MAP2K4: variants seen among roughly 807,000 people sequenced by gnomAD.
The protein encoded by MAP2K4 is mitogen-activated protein kinase kinase 4, also known as dual specificity mitogen-activated protein kinase kinase 4.
A neutral mutation model predicts 48.5 loss-of-function variants in MAP2K4; 4 were observed. That is an observed-to-expected ratio of 0.08 (90% confidence interval 0.04 to 0.19). MAP2K4 has a LOEUF of 0.19. Among genes scored for constraint, MAP2K4 ranks in the 10% least tolerant of loss-of-function variants. The pLI, the probability that MAP2K4 is intolerant of heterozygous loss-of-function variation, is 1.00. For synonymous variants in MAP2K4, 166 were observed against 173.1 expected (o/e 0.96, Z 0.32); for missense variants, 258 against 493.3 (o/e 0.52, Z 4.52).
At chr17:12,059,811 T>C (rs936166796) in intron 2 of MAP2K4, among the ~76,000 whole-genome samples, 1 of 152,220 alleles carries the variant, frequency 6.6e-6, no homozygotes, top group Non-Finnish European at 1.5e-5. Flanking sequence ...TAGAACTTTA[T>C]CTTAAAACTT....
intron 1 of MAP2K4, among the ~76,000 whole-genome samples, chr17:12,032,787 T>G (rs1309240623): frequency 6.6e-6 from 1 of 152,206 alleles, no homozygotes; most frequent in Non-Finnish European, 1.5e-5. Context: ...ATTAGGACAC[T>G]AGTCTTCATA....
intron 9 of MAP2K4, among the ~76,000 whole-genome samples, chr17:12,131,348 C>T (rs866804404): frequency 2.6e-5 from 4 of 151,198 alleles, no homozygotes; most frequent in Middle Eastern, 6.8e-3. Flanking sequence ...CGGGTTCAAA[C>T]GATTCTTCTG....
intron 1 of MAP2K4, among the ~76,000 whole-genome samples, chr17:12,038,044 G>A (rs1362867329): frequency 2.0e-5 from 3 of 152,218 alleles, no homozygotes; most frequent in South Asian, 2.1e-4. Context: ...AAAATAATTA[G>A]TGACTTTCCC....
intron 1 of MAP2K4, among the ~76,000 whole-genome samples, chr17:12,024,760 T>C (rs184241937): frequency 1.3e-5 from 2 of 152,326 alleles, no homozygotes; most frequent in African/African-American, 4.8e-5. Flanking sequence ...GGAAAAGTAT[T>C]ATTCTTTAGT....
chr17:12,087,407 A>T (rs1971405387), intron 3 of MAP2K4, among the ~76,000 whole-genome samples: 1 of 152,168 alleles, frequency 6.6e-6, no homozygotes, highest in Non-Finnish European at 1.5e-5. Flanking sequence ...TGATGTGGTT[A>T]GTAAAGAGGA....
At chr17:12,049,579 T>A (rs1021838019) in intron 1 of MAP2K4, among the ~76,000 whole-genome samples, 1 of 152,194 alleles carries the variant, frequency 6.6e-6, no homozygotes, top group Non-Finnish European at 1.5e-5. Context: ...CTGCTGGGCC[T>A]TTTGTTCCAT....
At chr17:12,089,976 G>T (rs543042329) in intron 3 of MAP2K4, among the ~76,000 whole-genome samples, 2 of 152,288 alleles carry the variant, frequency 1.3e-5, no homozygotes, top group East Asian at 3.9e-4. Context: ...CTCAGTTCTT[G>T]ATTCCTTACA....
chr17:12,126,217 A>T (rs908769684), intron 8 of MAP2K4, among the ~76,000 whole-genome samples: 1 of 152,180 alleles, frequency 6.6e-6, no homozygotes, highest in Non-Finnish European at 1.5e-5. Flanking sequence ...TACCTAGGTG[A>T]TAATTCTAAA....
intron 2 of MAP2K4, among the ~76,000 whole-genome samples, chr17:12,071,670 G>A (rs1443513752): frequency 6.6e-6 from 1 of 152,124 alleles, no homozygotes; most frequent in Non-Finnish European, 1.5e-5. Context: ...TTTGAGGAAT[G>A]GCTCATCGCT....
chr17:12,049,835 T>C (rs534074655), intron 1 of MAP2K4, among the ~76,000 whole-genome samples: 6 of 152,326 alleles, frequency 3.9e-5, no homozygotes, highest in African/African-American at 1.4e-4. Context: ...CAGATGGGTA[T>C]GGACTCAGGG....
intron 2 of MAP2K4, among the ~76,000 whole-genome samples, chr17:12,071,923 G>A (rs1032663610): frequency 6.6e-6 from 1 of 152,180 alleles, no homozygotes; most frequent in South Asian, 2.1e-4. Context: ...AATAACAGTG[G>A]TAGGTATCTA....
At chr17:12,119,436 T>C (rs1597487123) in intron 7 of MAP2K4, among the ~76,000 whole-genome samples, 1 of 152,144 alleles carries the variant, frequency 6.6e-6, no homozygotes, top group African/African-American at 2.4e-5. Flanking sequence ...AAAACCACAA[T>C]GAGATACATC....
At chr17:12,098,393 G>T (rs1031626939) in intron 4 of MAP2K4, among the ~76,000 whole-genome samples, 4 of 151,270 alleles carry the variant, frequency 2.6e-5, no homozygotes, top group Admixed American at 2.0e-4. Context: ...CAGAAGAATC[G>T]CTTGAATCCA....
intron 2 of MAP2K4, among the ~76,000 whole-genome samples, chr17:12,075,410 A>G (rs529709966): frequency 1.3e-5 from 2 of 152,322 alleles, no homozygotes; most frequent in African/African-American, 2.4e-5. Flanking sequence ...AAATTACTGA[A>G]TTTTTTAAAA....
At chr17:12,088,549 T>A (rs1427721061) in intron 3 of MAP2K4, among the ~76,000 whole-genome samples, 1 of 71,824 alleles carries the variant, frequency 1.4e-5, no homozygotes, top group African/African-American at 3.6e-5. Flanking sequence ...AAATTATATC[T>A]AATATATAAT....
intron 8 of MAP2K4, among the ~76,000 whole-genome samples, chr17:12,125,780 A>G (rs1972833445): frequency 6.6e-6 from 1 of 152,252 alleles, no homozygotes; most frequent in Non-Finnish European, 1.5e-5. Flanking sequence ...TATATTAAGT[A>G]TACGTATTTT....
At chr17:12,076,834 C>T (rs534560256) in intron 2 of MAP2K4, among the ~76,000 whole-genome samples, 30 of 149,806 alleles carry the variant, frequency 2.0e-4, no homozygotes, top group Admixed American at 4.7e-4. Context: ...ACCAGAGTTA[C>T]GGATTTTTTG....
rs546679665 is a variant in MAP2K4 at position 12,116,126 on chromosome 17, G to A, written c.813+2766G>A. On this transcript the variant is annotated intron_variant, in intron 7 of 10. Transcript: ENST00000353533. ...TAACTCTGAATATTTCTTTTCAAAGGTGCTAAAATCTGAAATCTGCTGGTG... is the reference window on the plus strand; with the variant it reads ...TAACTCTGAATATTTCTTTTCAAAGATGCTAAAATCTGAAATCTGCTGGTG... Among the ~76,000 whole-genome samples, 22 of 152,262 alleles carry A rather than the reference G, an allele frequency of 1.4e-4. No individual in the cohort carries two copies. The South Asian group carries it at 4.1e-3, about 29-fold the overall frequency.
Position 12,081,702 on chromosome 17 carries a change from C to A in MAP2K4, c.393+172C>A, listed in dbSNP as rs555796825. On this transcript the variant is annotated intron_variant, in intron 3 of 10. Transcript: ENST00000353533. The surrounding 1 kb of genome is among the most constrained non-coding windows in gnomAD (Gnocchi z 4.2). ...GTGTAGAGGTTTCTTATTGGTGGCACATTTTCTATCTCTTTGGAAACATGA... is the reference window on the plus strand; with the variant it reads ...GTGTAGAGGTTTCTTATTGGTGGCAAATTTTCTATCTCTTTGGAAACATGA... Among the ~76,000 whole-genome samples, 1 of 152,292 alleles carries A rather than the reference C, an allele frequency of 6.6e-6. No individual in the cohort carries two copies. The highest frequency in any genetic ancestry group is 2.1e-4 in the South Asian group (1 of 4,820).
Sources: allele counts gnomAD v4.1 joint callset (sites outside exome capture counted in the v4.1 genomes callset), GRCh38; gene constraint gnomAD v4.1.1; non-coding constraint Gnocchi (gnomAD v3.1); transcripts MANE v1.5; gene names NCBI Gene and HGNC (gene_info 2026-07-23, HGNC 2026-07-21).